The following CACNA1C variants were observed in gnomAD, a reference collection of about 807,000 sequenced individuals.
CACNA1C encodes the protein calcium voltage-gated channel subunit alpha1 C, also known as voltage-dependent L-type calcium channel subunit alpha-1C.
In CACNA1C, 30 loss-of-function variants were observed where a neutral mutation model predicts 229.0. The observed-to-expected ratio is 0.13, with a 90% CI of 0.10 to 0.18. The LOEUF (loss-of-function observed/expected upper bound fraction) is 0.18, where lower values mean the gene tolerates loss of function less well. CACNA1C is among the 10% of genes least tolerant of loss of function. The pLI, the probability that CACNA1C is intolerant of heterozygous loss-of-function variation, is 1.00. For synonymous variants in CACNA1C, 1,114 were observed against 1,132.5 expected (o/e 0.98, Z 0.33); for missense variants, 1,658 against 2,845.0 (o/e 0.58, Z 9.49).
intron 1 of CACNA1C, among the ~76,000 whole-genome samples, chr12:2,041,377 T>C (rs1223977747): frequency 6.7e-6 from 1 of 149,858 alleles, no homozygotes; most frequent in Non-Finnish European, 1.5e-5. Context: ...CCCAGGTTCA[T>C]GCCATTCTCC....
intron 3 of CACNA1C, among the ~76,000 whole-genome samples, chr12:2,126,474 C>T (rs1473030821): frequency 6.6e-6 from 1 of 152,158 alleles, no homozygotes; most frequent in African/African-American, 2.4e-5. Context: ...TCTGCATACC[C>T]TGAAGCCCAC....
intron 3 of CACNA1C, chr12:2,218,046 G>A (rs898014600): frequency 7.2e-5 from 11 of 152,124 alleles, no homozygotes; most frequent in Admixed American, 4.6e-4. Flanking sequence ...TCAGGAAGTC[G>A]CCAGGGCTGC....
rs1398491804 is a variant in CACNA1C, at chr12:2,349,335, G to A, written c.478-99641G>A. Among the ~76,000 whole-genome samples the A allele has an allele frequency of 3.3e-5, 5 of 152,218 alleles. No individual in the cohort carries two copies. The East Asian group carries it at 9.6e-4, about 29-fold the overall frequency. On this transcript the variant is annotated intron_variant, in intron 3 of 46. Transcript: ENST00000399655. ...AGCGTTGGGACATAGAGCAGTTTGG[G>A]TGGGGTTCTAACTGGGTATGGAATT...
Position 2,692,041 on chromosome 12 carries a change from T to G in CACNA1C, c.*842T>G, listed in dbSNP as rs1175960106. 1 of 152,230 alleles carries G rather than the reference T, an allele frequency of 6.6e-6. No homozygotes were observed. Among genetic ancestry groups the G allele is most frequent in the East Asian group, 1.9e-4 (1 of 5,196 alleles). 9.4% of individuals were successfully genotyped at this position (152,230 alleles called of 1,614,324 possible). A position where few individuals can be genotyped will look rare whatever the true frequency, so the allele number is the denominator to read the frequency against. On this transcript the variant is annotated 3_prime_UTR_variant, in exon 47 of 47. Coordinates refer to ENST00000399655, the MANE Select transcript of CACNA1C (RefSeq NM_000719.7). ...TACAAAGTCCTGTAGCCCCCTCACCTTTCTGTTTTCACTTTTGCCAATGTA... is the reference window on the plus strand; with the variant it reads ...TACAAAGTCCTGTAGCCCCCTCACCGTTCTGTTTTCACTTTTGCCAATGTA...
intron 1 of CACNA1C, among the ~76,000 whole-genome samples, chr12:2,041,270 C>CTTTTTTTTTTT (rs58922699): frequency 7.7e-5 from 7 of 91,008 alleles, no homozygotes; most frequent in African/African-American, 2.1e-4. Context: ...TAAGGGTATT[C>CTTTTTTTTTTT]TTTTTTTTTT....
At chr12:2,135,220 C>T (rs2093146931) in intron 3 of CACNA1C, among the ~76,000 whole-genome samples, 1 of 144,154 alleles carries the variant, frequency 6.9e-6, no homozygotes, top group South Asian at 2.2e-4. Flanking sequence ...AAATTTTTTT[C>T]AAAGTTTTCA....
At chr12:2,587,000 G>T (rs981033887) in intron 18 of CACNA1C, among the ~76,000 whole-genome samples, 1 of 152,210 alleles carries the variant, frequency 6.6e-6, no homozygotes, top group Non-Finnish European at 1.5e-5. Context: ...GGAGGATCTT[G>T]CCTTGATCCT....
At chr12:2,342,909 C>T (rs1191655039) in intron 3 of CACNA1C, among the ~76,000 whole-genome samples, 51 of 152,218 alleles carry the variant, frequency 3.4e-4, no homozygotes, top group Admixed American at 3.3e-3. Context: ...TTTGTGATAA[C>T]AAGCATCTTA....
chr12:2,691,238 A>C lies in CACNA1C; in HGVS notation c.*39A>C. ...ATGCGGGCTTTTTTTTATTTGTTTC[A>C]ATGTTCCTAATGGGTTCGTTTCAGA... On this transcript the variant is annotated 3_prime_UTR_variant, in exon 47 of 47. Transcript: ENST00000399655. The C allele has an allele frequency of 6.7e-7, 1 of 1,494,550 alleles. No individual in the cohort carries two copies. Among genetic ancestry groups the C allele is most frequent in the African/African-American group, 1.4e-5 (1 of 71,266 alleles). The allele number at this position is 1,494,550 out of a possible 1,614,324, so 92.6% of individuals were successfully genotyped here.
intron 29 of CACNA1C, among the ~76,000 whole-genome samples, chr12:2,619,473 C>T (rs1227611253): frequency 2.6e-5 from 4 of 152,204 alleles, no homozygotes; most frequent in African/African-American, 9.7e-5. Context: ...TCATCCTGAG[C>T]CCATGTATTC....
chr12:2,146,621 G>T (rs924201798), intron 3 of CACNA1C, among the ~76,000 whole-genome samples: 7 of 151,094 alleles, frequency 4.6e-5, no homozygotes, highest in Non-Finnish European at 8.9e-5. Flanking sequence ...GACGAAAGCA[G>T]AGCCATTGGA....
intron 3 of CACNA1C, among the ~76,000 whole-genome samples, chr12:2,374,857 T>C (rs1338931586): frequency 6.6e-6 from 1 of 152,182 alleles, no homozygotes; most frequent in African/African-American, 2.4e-5. Context: ...TTCCTCACTC[T>C]GAAAGGCATG....
intron 5 of CACNA1C, among the ~76,000 whole-genome samples, chr12:2,484,588 G>A (rs987312290): frequency 2.0e-5 from 3 of 152,064 alleles, no homozygotes; most frequent in South Asian, 2.1e-4. Context: ...CACACCCACC[G>A]TTCTCTTGCC....
At chr12:2,362,572 G>A (rs1471010953) in intron 3 of CACNA1C, among the ~76,000 whole-genome samples, 1 of 152,194 alleles carries the variant, frequency 6.6e-6, no homozygotes, top group African/African-American at 2.4e-5. Flanking sequence ...GGGTGCATGT[G>A]TGTCCTCTCC....
intron 1 of CACNA1C, among the ~76,000 whole-genome samples, chr12:2,027,418 ATCTGCTG>A (rs2047521980): frequency 6.6e-6 from 1 of 152,118 alleles, no homozygotes; most frequent in Non-Finnish European, 1.5e-5. Flanking sequence ...TAACAGTCTT[ATCTGCTG>A]ATCCCCGCAG....
chr12:2,626,951 G>A (rs1261687325), intron 29 of CACNA1C, among the ~76,000 whole-genome samples: 1 of 152,194 alleles, frequency 6.6e-6, no homozygotes, highest in African/African-American at 2.4e-5. Context: ...GTCCTGGGGA[G>A]GATAAGCCTT....
intron 3 of CACNA1C, among the ~76,000 whole-genome samples, chr12:2,341,041 G>A (rs2096848125): frequency 6.6e-6 from 1 of 152,200 alleles, no homozygotes; most frequent in Non-Finnish European, 1.5e-5. Flanking sequence ...AGGGGGAGTG[G>A]ACATGAACGT....
chr12:2,066,440 A>G (rs1178313343), intron 1 of CACNA1C, among the ~76,000 whole-genome samples: 7 of 152,112 alleles, frequency 4.6e-5, no homozygotes, highest in Non-Finnish European at 1.0e-4. Flanking sequence ...CTTGGGGATC[A>G]AGGCAGGAGA....
intron 24 of CACNA1C, among the ~76,000 whole-genome samples, chr12:2,606,040 A>G (rs937816119): frequency 3.9e-5 from 6 of 152,106 alleles, no homozygotes; most frequent in Non-Finnish European, 2.9e-5. Flanking sequence ...CCTTCCTTCT[A>G]GAAAGAGAGA....
Sources: gnomAD v4.1 joint callset for allele counts (sites outside exome capture counted in the v4.1 genomes callset) on GRCh38, gnomAD v4.1.1 for gene constraint, MANE v1.5 for transcripts, NCBI Gene and HGNC (gene_info 2026-07-23, HGNC 2026-07-21) for gene names.